FAAP100: variants seen among roughly 807,000 people sequenced by gnomAD.
FAAP100 encodes the protein FA core complex associated protein 100, also known as Fanconi anemia core complex-associated protein 100.
A neutral mutation model predicts 65.8 loss-of-function variants in FAAP100; 46 were observed. The ratio of observed to expected loss-of-function variants is 0.70; its 90% CI spans 0.55 to 0.89. The LOEUF is 0.89. Among genes scored for constraint, FAAP100 ranks in the 40% least tolerant of loss-of-function variants. The probability of loss-of-function intolerance (pLI) is 0.00; values close to 1 mark genes in which losing one functional copy is unlikely to be tolerated. For missense variants in FAAP100, 1,165 were observed against 1,196.7 expected (o/e 0.97, Z 0.39); for synonymous variants, 663 against 555.1 (o/e 1.19, Z -2.73).
At chr17:81,542,153 T>G (rs2033121550) in intron 7 of FAAP100, among the ~76,000 whole-genome samples, 2 of 95,384 alleles carry the variant, frequency 2.1e-5, no homozygotes, top group African/African-American at 4.4e-5. Flanking sequence ...GGCGACAGAG[T>G]GAGACTCCGT....
At chr17:81,549,456 T>A (rs936792446) in intron 3 of FAAP100, 94 bp from the exon 4 acceptor site, 22 of 1,454,844 alleles carry the variant, frequency 1.5e-5, no homozygotes, top group South Asian at 9.0e-5. Context: ...GGAAAGAAGT[T>A]GGAAGACGGC....
Position 81,549,329 on chromosome 17 carries a change from C to T in FAAP100, c.1280G>A (p.Gly427Asp). 6.2e-7 allele frequency: 1 copy of T among 1,611,884 alleles called. No individual in the cohort carries two copies. The highest frequency in any genetic ancestry group is 8.5e-7 in the Non-Finnish European group (1 of 1,179,492). Residue 427 changes from glycine (G) to aspartate (D), a missense_variant, in exon 4 of 9, where the codon GGC (glycine) becomes GAC (aspartate). Physicochemically the swap from Gly to Asp is moderately conservative, Grantham distance 94. Transcript: ENST00000327787. ...GTKLLALSAK[G>D]RLMTCSLDLD... Reference sequence around the variant, plus strand: ...GTCCAGGCTGCAGGTCATCAGGCGGCCTTTGGCGGACAGGGCCAGGAGCTT... The same window carrying T: ...GTCCAGGCTGCAGGTCATCAGGCGGTCTTTGGCGGACAGGGCCAGGAGCTT...
rs747339288 is a variant in FAAP100 at position 81,551,963 on chromosome 17, G to A, written c.255C>T (p.Leu85=). Reference sequence around the variant, plus strand: ...CCGGGTGGTCCAGCGACAGGCAGTAGAGGCCCCTCCGGGCGCACAGCGCGT... The same window carrying A: ...CCGGGTGGTCCAGCGACAGGCAGTAAAGGCCCCTCCGGGCGCACAGCGCGT... ...LLYALCARRG[L]YCLSLDHPGR... Residue 85 remains leucine, a synonymous_variant, in exon 2 of 9, where the codon CTC becomes CTT. Coordinates refer to ENST00000327787, the MANE Select transcript of FAAP100 (RefSeq NM_025161.6). The A allele has an allele frequency of 1.7e-5, 26 of 1,565,260 alleles. No homozygotes were observed. Among genetic ancestry groups the A allele is most frequent in the Non-Finnish European group, 2.1e-5 (24 of 1,164,712 alleles).
intron 2 of FAAP100, 68 bp downstream of exon 2, chr17:81,551,860 C>T: frequency 6.9e-7 from 1 of 1,445,358 alleles, no homozygotes; most frequent in Non-Finnish European, 9.1e-7. Context: ...TGAGGTGGGG[C>T]TGCTCGCTCT....
rs1480430692 is a variant in FAAP100 at position 81,547,686 on chromosome 17, G to A, written c.1404-8C>T. 1 of 1,608,232 alleles carries A rather than the reference G, an allele frequency of 6.2e-7. No individual in the cohort carries two copies. Among genetic ancestry groups the A allele is most frequent in the Non-Finnish European group, 8.5e-7 (1 of 1,177,462 alleles). Reference sequence around the variant, plus strand: ...TTCTTTAGAAAAGACACTCTGCGAAGGACAGACATGACCCCCGGGAGCGGG... The same window carrying A: ...TTCTTTAGAAAAGACACTCTGCGAAAGACAGACATGACCCCCGGGAGCGGG... On this transcript the variant is annotated splice_region_variant and splice_polypyrimidine_tract_variant and intron_variant, in intron 4 of 8. Coordinates refer to ENST00000327787, the MANE Select transcript of FAAP100 (RefSeq NM_025161.6).
intron 2 of FAAP100, 62 bp downstream of exon 2, chr17:81,551,866 G>T: frequency 6.9e-7 from 1 of 1,452,850 alleles, no homozygotes; most frequent in Non-Finnish European, 9.0e-7. Context: ...GGGGCTGCTC[G>T]CTCTGAAGCA....
chr17:81,542,713 C>G (rs1269120621), intron 7 of FAAP100, among the ~76,000 whole-genome samples: 1 of 152,234 alleles, frequency 6.6e-6, no homozygotes, highest in African/African-American at 2.4e-5. Flanking sequence ...CACTCAGAGC[C>G]TGGCTGTGTC....
intron 4 of FAAP100, chr17:81,548,071 TTTCTC>T (rs1327531743): frequency 1.1e-5 from 7 of 658,604 alleles, no homozygotes; most frequent in African/African-American, 8.9e-5. Context: ...GTGGGCCTCT[TTTCTC>T]CCTTGCAGCC....
At position 81,545,767 on chromosome 17, in the gene FAAP100, G is replaced by C. The variant is rs766737566; in HGVS notation, c.2289C>G (p.Asn763Lys). The change falls in exon 6 of 9, where the codon AAC (asparagine) becomes AAG (lysine). Residue 763 changes from asparagine to lysine, a missense_variant. Physicochemically the swap from Asn to Lys is moderately conservative, Grantham distance 94 (BLOSUM62 0). Coordinates refer to ENST00000327787, the MANE Select transcript of FAAP100 (RefSeq NM_025161.6). Reference protein sequence around the residue: ...SIQGVAPDGANVHLIVREVAM... With the variant: ...SIQGVAPDGAKVHLIVREVAM... The stretch of plus-strand genomic sequence containing the variant: ...TTGCCTCTCGGACGATGAGGTGAAC[G>C]TTGGCGCCATCAGGGGCCACTCCCT... 6.2e-7 allele frequency: 1 copy of C among 1,612,132 alleles called. No individual in the cohort carries two copies. The highest frequency in any genetic ancestry group is 8.5e-7 in the Non-Finnish European group (1 of 1,179,698).
Position 81,552,314 on chromosome 17 carries a change from G to T in FAAP100, c.17C>A (p.Pro6Gln). The change falls in exon 1 of 9, where the codon CCG becomes CAG. Residue 6 changes from proline (P) to glutamine (Q), a missense_variant. Physicochemically the swap from Pro to Gln is moderately conservative, Grantham distance 76. Coordinates refer to ENST00000327787, the MANE Select transcript of FAAP100 (RefSeq NM_025161.6). Reference protein sequence around the residue: MAGAAPRVRYLAGFCC... With the variant: MAGAAQRVRYLAGFCC... ...GAAGCCCGCCAGGTAGCGGACCCGC[G>T]GCGCGGCGCCGGCCATCGTGCGCGC... 4 of 1,411,156 alleles carry T rather than the reference G, an allele frequency of 2.8e-6. No individual in the cohort carries two copies. In the Middle Eastern group the frequency reaches 6.0e-4, roughly 212 times the overall value. 87.4% of individuals were successfully genotyped at this position (1,411,156 alleles called of 1,614,324 possible).
intron 8 of FAAP100, among the ~76,000 whole-genome samples, 176 bp from the exon 9 acceptor site, chr17:81,541,126 GC>G (rs952787020): frequency 9.8e-5 from 15 of 152,302 alleles, no homozygotes; most frequent in Middle Eastern, 3.4e-3. Flanking sequence ...CGGACACCCA[GC>G]CCCTCAAGTA....
At position 81,541,283 on chromosome 17, in the gene FAAP100, G is replaced by A. The variant is rs773622535; in HGVS notation, c.2514+26C>T. 5.6e-6 allele frequency: 9 copies of A among 1,594,624 alleles called. No homozygotes were observed. The South Asian group carries it at 9.0e-5, about 16-fold the overall frequency. Reference sequence around the variant, plus strand: ...CGCTCCTGGCTACCCAGGGGAAGGGGACTGCCCGGGGAACCGGGTGCTCAC... The same window carrying A: ...CGCTCCTGGCTACCCAGGGGAAGGGAACTGCCCGGGGAACCGGGTGCTCAC... On this transcript the variant is annotated intron_variant, in intron 8 of 8. Transcript: ENST00000327787.
Position 81,542,281 on chromosome 17 carries a change from G to A in FAAP100, c.2428-886C>T, listed in dbSNP as rs567518757. Among the ~76,000 whole-genome samples the A allele has an allele frequency of 4.2e-5, 6 of 142,888 alleles. No homozygotes were observed. The South Asian group carries it at 1.3e-3, about 32-fold the overall frequency. 93.7% of individuals were successfully genotyped at this position (142,888 alleles called of 152,430 possible). A position where few individuals can be genotyped will look rare whatever the true frequency, so the allele number is the denominator to read the frequency against. ...CAGAGCCTGTAATCCCAGCTATTCGGGAGGCTGAGGGAGAATTGCTTGAAC... is the reference window on the plus strand; with the variant it reads ...CAGAGCCTGTAATCCCAGCTATTCGAGAGGCTGAGGGAGAATTGCTTGAAC... On this transcript the variant is annotated intron_variant, in intron 7 of 8. Transcript: ENST00000327787.
At chr17:81,541,100 G>T in intron 8 of FAAP100, 150 bp from the exon 9 acceptor site, 1 of 1,194,868 alleles carries the variant, frequency 8.4e-7, no homozygotes, top group Non-Finnish European at 1.1e-6. Flanking sequence ...TAAAACATGG[G>T]ACACGCAGCC....
intron 5 of FAAP100, 47 bp from the exon 6 acceptor site, chr17:81,545,929 G>A (rs748006294): frequency 3.9e-5 from 62 of 1,572,388 alleles, no homozygotes; most frequent in Non-Finnish European, 5.1e-5. Context: ...CCTACCAGGT[G>A]GGCTCAGCCG....
intron 3 of FAAP100, among the ~76,000 whole-genome samples, chr17:81,549,586 C>A (rs148152772): frequency 1.3e-5 from 2 of 152,242 alleles, no homozygotes; most frequent in African/African-American, 4.8e-5. Context: ...CCCTCTCTTC[C>A]GCAGTGGAGA....
rs1358598650 is a variant in FAAP100, at chr17:81,549,362, C to T, written c.1247G>A (p.Gly416Asp). 1 of 1,604,810 alleles carries T rather than the reference C, an allele frequency of 6.2e-7. No individual in the cohort carries two copies. The highest frequency in any genetic ancestry group is 1.7e-5 in the Admixed American group (1 of 59,742). ...GGACAGGGCCAGGAGCTTGGTGCCA[C>T]CTGGTGACAGACACACATGGGGCCT... ...SLSASPRTHE[G>D]GTKLLALSAK... The change falls in exon 4 of 9, where the codon GGT (glycine) becomes GAT (aspartate). Residue 416 changes from glycine (G) to aspartate (D), a missense_variant and splice_region_variant. Gly to Asp is a moderately conservative substitution (Grantham distance 94). Transcript: ENST00000327787.
intron 5 of FAAP100, among the ~76,000 whole-genome samples, 153 bp downstream of exon 5, chr17:81,546,756 C>T (rs990602230): frequency 6.6e-6 from 1 of 151,826 alleles, no homozygotes; most frequent in African/African-American, 2.4e-5. Context: ...TTTTGGGAGG[C>T]CCAGAGGAGA....
intron 4 of FAAP100, 66 bp downstream of exon 4, chr17:81,549,140 C>A: frequency 6.3e-7 from 1 of 1,581,482 alleles, no homozygotes; most frequent in Non-Finnish European, 8.6e-7. Flanking sequence ...GACGACCCCA[C>A]ACAGGGACGC....
Sources: allele counts gnomAD v4.1 joint callset (sites outside exome capture counted in the v4.1 genomes callset), GRCh38; gene constraint gnomAD v4.1.1; transcripts MANE v1.5; gene names NCBI Gene and HGNC (gene_info 2026-07-23, HGNC 2026-07-21).